Variants in NUP62 observed in about 807,000 individuals in gnomAD.
NUP62 encodes nucleoporin 62.
For synonymous variants in NUP62, 305 were observed against 303.4 expected (o/e 1.01, Z -0.05); for missense variants, 647 against 689.4 (o/e 0.94, Z 0.69).
chr19:49,907,832 T>C lies in NUP62; in HGVS notation c.*407A>G. ...ATTACAGGGGTGAGCCACTGCGCCC[T>C]GACTTGGAGGTTCTCTTACATTTGG... On this transcript the variant is annotated 3_prime_UTR_variant, in exon 3 of 3. Coordinates refer to ENST00000352066, the MANE Select transcript of NUP62 (RefSeq NM_016553.5). 3.0e-6 allele frequency: 1 copy of C among 332,240 alleles called. No individual in the cohort carries two copies. Among genetic ancestry groups the C allele is most frequent in the East Asian group, 8.7e-5 (1 of 11,518 alleles). The allele number at this position is 332,240 out of a possible 1,614,324, so 20.6% of individuals were successfully genotyped here.
chr19:49,923,525 G>A (rs1007488071), intron 2 of NUP62, among the ~76,000 whole-genome samples: 11 of 152,292 alleles, frequency 7.2e-5, no homozygotes, highest in Non-Finnish European at 1.3e-4. Context: ...AGAAGCAGGC[G>A]TGGCGAGAAC....
In NUP62 at chr19:49,907,383, T is replaced by G; in HGVS notation, c.*856A>C. The G allele has an allele frequency of 2.9e-6, 1 of 348,960 alleles. No homozygotes were observed. Among genetic ancestry groups the G allele is most frequent in the Non-Finnish European group, 5.5e-6 (1 of 181,794 alleles). 21.6% of individuals were successfully genotyped at this position (348,960 alleles called of 1,614,324 possible). On this transcript the variant is annotated 3_prime_UTR_variant, in exon 3 of 3. Transcript: ENST00000352066. ...ATCTGTGGTTCCTCAACACCCTGTG[T>G]GTGCAGGCCCCTCAGCTGACCTGTC...
At chr19:49,923,721 T>C (rs1433026779) in intron 2 of NUP62, among the ~76,000 whole-genome samples, 2 of 152,250 alleles carry the variant, frequency 1.3e-5, no homozygotes, top group Non-Finnish European at 2.9e-5. Flanking sequence ...CCGTCTGCAA[T>C]GGACCATCTC....
rs892028 is a variant in NUP62, at chr19:49,908,485, A to C, written c.1323T>G (p.Asp441Glu). ...EKTYKLAENI[D>E]AQLKRMAQDL... ...CCTGGGCCATGCGCTTGAGCTGTGC[A>C]TCGATGTTCTCAGCCAGCTTGTAGG... Residue 441 changes from aspartate to glutamate, a missense_variant, in exon 3 of 3, where the codon GAT becomes GAG. Coordinates refer to ENST00000352066, the MANE Select transcript of NUP62 (RefSeq NM_016553.5). 6.2e-7 allele frequency: 1 copy of C among 1,614,120 alleles called. No individual in the cohort carries two copies. Among genetic ancestry groups the C allele is most frequent in the Non-Finnish European group, 8.5e-7 (1 of 1,180,036 alleles).
At chr19:49,914,726 G>GTTTTGTTTTTTTTTTTTTTTTT (rs2075575701) in intron 2 of NUP62, among the ~76,000 whole-genome samples, 1 of 56,362 alleles carries the variant, frequency 1.8e-5, no homozygotes. Flanking sequence ...CCAAGTCCCA[G>GTTTTGTTTTTTTTTTTTTTTTT]TTTTTTTTTT....
Position 49,907,960 on chromosome 19 carries a change from C to G in NUP62, c.*279G>C, listed in dbSNP as rs2075360644. The G allele has an allele frequency of 1.7e-6, 1 of 572,040 alleles. No homozygotes were observed. The highest frequency in any genetic ancestry group is 3.2e-5 in the Admixed American group (1 of 30,858). The allele number at this position is 572,040 out of a possible 1,614,324, so 35.4% of individuals were successfully genotyped here. ...AGCACTTCTCCATCACCAGGCTGAGCCAGGATGAGGTGGGTGGTCGCAGTA... is the reference window on the plus strand; with the variant it reads ...AGCACTTCTCCATCACCAGGCTGAGGCAGGATGAGGTGGGTGGTCGCAGTA... On this transcript the variant is annotated 3_prime_UTR_variant, in exon 3 of 3. Transcript: ENST00000352066.
intron 2 of NUP62, among the ~76,000 whole-genome samples, chr19:49,913,697 A>G (rs2075543187): frequency 6.6e-6 from 1 of 152,288 alleles, no homozygotes; most frequent in South Asian, 2.1e-4. Context: ...TCATTTCTCC[A>G]TAATAAACCG....
intron 2 of NUP62, among the ~76,000 whole-genome samples, chr19:49,914,540 C>G (rs1393869730): frequency 6.6e-6 from 1 of 152,130 alleles, no homozygotes; most frequent in African/African-American, 2.4e-5. Context: ...AACAACACGG[C>G]CGCCTTCACA....
At chr19:49,925,687 G>T (rs1301148822) in intron 2 of NUP62, among the ~76,000 whole-genome samples, 2 of 152,124 alleles carry the variant, frequency 1.3e-5, no homozygotes, top group Non-Finnish European at 2.9e-5. Context: ...GAGCAGAAAG[G>T]GCATTAAGTA....
chr19:49,925,383 T>A (rs903071274), intron 2 of NUP62, among the ~76,000 whole-genome samples: 2 of 147,578 alleles, frequency 1.4e-5, no homozygotes, highest in African/African-American at 2.5e-5. Context: ...AGCCCAGGAA[T>A]CAGGAATTCA....
At chr19:49,919,809 A>AAGAAT (rs5828421) in intron 2 of NUP62, among the ~76,000 whole-genome samples, 122,961 of 151,760 alleles carry the variant, frequency 0.81, 50,114 homozygotes, top group East Asian at 0.96. Context: ...CTTAATATAA[A>AAGAAT]AGGACTGGAA....
At chr19:49,925,009 A>C (rs1209395389) in intron 2 of NUP62, among the ~76,000 whole-genome samples, 4 of 152,158 alleles carry the variant, frequency 2.6e-5, no homozygotes, top group African/African-American at 4.8e-5. Flanking sequence ...CGCCTGTAAT[A>C]CCAGCACTTT....
At chr19:49,918,964 A>T (rs2075698058) in intron 2 of NUP62, among the ~76,000 whole-genome samples, 1 of 151,210 alleles carries the variant, frequency 6.6e-6, no homozygotes. Flanking sequence ...AGCCTGACCA[A>T]CATGGAGAAA....
intron 2 of NUP62, among the ~76,000 whole-genome samples, chr19:49,916,773 A>G (rs1262730201): frequency 5.9e-5 from 9 of 152,056 alleles, no homozygotes; most frequent in Non-Finnish European, 1.0e-4. Flanking sequence ...CAAAAACAAA[A>G]AAACAAAAAT....
rs559266842 is a variant in NUP62, at chr19:49,918,078, C to CTT, written c.-77-8196_-77-8195dup. Among the ~76,000 whole-genome samples the CTT allele has an allele frequency of 4.5e-5, 6 of 132,618 alleles. No homozygotes were observed. In the East Asian group the frequency reaches 1.2e-3, roughly 27 times the overall value. The allele number at this position is 132,618 out of a possible 152,430, so 87.0% of individuals were successfully genotyped here. On this transcript the variant is annotated intron_variant, in intron 2 of 2. Transcript: ENST00000352066. ...ATGGAGAGGGTCTGCTTTCCTTTTT[C>CTT]TTTTTTTTTTTTTGAGACAGAGTCT...
intron 2 of NUP62, among the ~76,000 whole-genome samples, chr19:49,912,167 T>A (rs1247890733): frequency 5.4e-5 from 1 of 18,534 alleles, no homozygotes; most frequent in Non-Finnish European, 1.6e-4. Context: ...ACAGTTCACC[T>A]TTTTTTTTTT....
Position 49,910,092 on chromosome 19 carries a change from C to T in NUP62, c.-77-208G>A, listed in dbSNP as rs150325516. ...GTACGAGGAGCCGGGGTGCTAGGGA[C>T]GTGCGTGGCCATGTTCAGCCCAGTG... On this transcript the variant is annotated intron_variant, in intron 2 of 2. Transcript: ENST00000352066. 8.5e-5 allele frequency among the ~76,000 whole-genome samples: 13 copies of T among 152,120 alleles called. No individual in the cohort carries two copies. The East Asian group carries it at 2.3e-3, about 27-fold the overall frequency.
chr19:49,927,844 C>A (rs2075940957), intron 1 of NUP62, 29 bp from the exon 2 acceptor site: 1 of 152,266 alleles, frequency 6.6e-6, no homozygotes, highest in Admixed American at 6.5e-5. Flanking sequence ...GGACATCCAC[C>A]TCGGCTGGTG....
Position 49,909,954 on chromosome 19 carries a change from C to G in NUP62, c.-77-70G>C, listed in dbSNP as rs1047440542. On this transcript the variant is annotated intron_variant, in intron 2 of 2. Transcript: ENST00000352066. ...GCAAGCTCAGTGGCATGACTGGGCACAGTCGGTTTGGAGGGTGGTGGGATG... is the reference window on the plus strand; with the variant it reads ...GCAAGCTCAGTGGCATGACTGGGCAGAGTCGGTTTGGAGGGTGGTGGGATG... 65 of 816,686 alleles carry G rather than the reference C, an allele frequency of 8.0e-5. 1 individual carries two copies. The highest frequency in any genetic ancestry group is 1.3e-4 in the South Asian group (9 of 69,032). The allele number at this position is 816,686 out of a possible 1,614,324, so 50.6% of individuals were successfully genotyped here.
Sources: allele counts gnomAD v4.1 joint callset (sites outside exome capture counted in the v4.1 genomes callset), GRCh38; gene constraint gnomAD v4.1.1; transcripts MANE v1.5; gene names NCBI Gene and HGNC (gene_info 2026-07-23, HGNC 2026-07-21).